The following IDUA variants were observed in gnomAD, a reference collection of about 807,000 sequenced individuals.
IDUA encodes the protein alpha-L-iduronidase.
Under a neutral mutation model 68.9 loss-of-function variants are expected in IDUA, and 65 were observed. That is an observed-to-expected ratio of 0.94 (90% CI 0.77 to 1.16). The LOEUF (loss-of-function observed/expected upper bound fraction) is 1.16, where lower values mean the gene tolerates loss of function less well. IDUA is among the 50% of genes most tolerant of loss of function. The pLI, the probability that IDUA is intolerant of heterozygous loss-of-function variation, is 0.00. For synonymous variants in IDUA, 529 were observed against 433.6 expected (o/e 1.22, Z -2.73); for missense variants, 1,046 against 938.0 (o/e 1.12, Z -1.50).
At position 987,168 on chromosome 4, in the gene IDUA, C is replaced by T; in HGVS notation, c.84C>T (p.Ala28=). 6.9e-7 allele frequency: 1 copy of T among 1,450,086 alleles called. No homozygotes were observed. Among genetic ancestry groups the T allele is most frequent in the Non-Finnish European group, 9.0e-7 (1 of 1,106,840 alleles). 89.8% of individuals were successfully genotyped at this position (1,450,086 alleles called of 1,614,324 possible). Residue 28 remains alanine (A), a synonymous_variant, in exon 1 of 14, where the codon GCC becomes GCT. Coordinates refer to ENST00000514224, the MANE Select transcript of IDUA (RefSeq NM_000203.5). ...CGCCCCCGGTGGCCCCGGCCGAGGCCCCGCACCTGGTGCATGTGGACGCGG... is the reference window on the plus strand; with the variant it reads ...CGCCCCCGGTGGCCCCGGCCGAGGCTCCGCACCTGGTGCATGTGGACGCGG... ...LAAPPVAPAE[A]PHLVHVDAAR...
At chr4:989,607 G>T in intron 2 of IDUA, 1 of 1,602,062 alleles carries the variant, frequency 6.2e-7, no homozygotes, top group Non-Finnish European at 8.5e-7. Context: ...CCACGATGAC[G>T]CAGGCCAGCA....
chr4:1,002,587 G>C (rs558808239), intron 8 of IDUA, 102 bp downstream of exon 8: 1 of 1,240,574 alleles, frequency 8.1e-7, no homozygotes, highest in Non-Finnish European at 1.1e-6. Flanking sequence ...CCAGCCGCGC[G>C]CTTCCCGGGG....
intron 2 of IDUA, chr4:989,646 T>TGCCAGCGCCAGCAGC (rs1216938493): frequency 1.3e-6 from 2 of 1,592,744 alleles, no homozygotes. Flanking sequence ...GGAACAGCGG[T>TGCCAGCGCCAGCAGC]GCCAGCGCCA....
At chr4:994,300 G>T (rs1370021640) in intron 2 of IDUA, among the ~76,000 whole-genome samples, 1 of 151,630 alleles carries the variant, frequency 6.6e-6, no homozygotes, top group Non-Finnish European at 1.5e-5. Flanking sequence ...TTTTGAGGCG[G>T]AGTCTTGCTC....
At position 988,194 on chromosome 4, in the gene IDUA, C is replaced by T. The variant is rs1291562953; in HGVS notation, c.299+245C>T. ...AGGCTCAGGGTTGGCTGCGCCGCACCTGGCTCCTGGTGCACCCGTGAGCAT... is the reference window on the plus strand; with the variant it reads ...AGGCTCAGGGTTGGCTGCGCCGCACTTGGCTCCTGGTGCACCCGTGAGCAT... On this transcript the variant is annotated intron_variant, in intron 2 of 13. Coordinates refer to ENST00000514224, the MANE Select transcript of IDUA (RefSeq NM_000203.5). 5 of 1,363,942 alleles carry T rather than the reference C, an allele frequency of 3.7e-6. No homozygotes were observed. In the African/African-American group the frequency reaches 7.3e-5, roughly 20 times the overall value. The allele number at this position is 1,363,942 out of a possible 1,614,324, so 84.5% of individuals were successfully genotyped here.
chr4:1,003,965 T>A, intron 12 of IDUA, 47 bp from the exon 13 acceptor site: 2 of 1,490,170 alleles, frequency 1.3e-6, no homozygotes, highest in Non-Finnish European at 1.9e-6. Context: ...CTCCCACCTT[T>A]GAGGACTGTC....
rs374183198 is a variant in IDUA, at chr4:993,637, G to A, written c.299+5688G>A. On this transcript the variant is annotated intron_variant, in intron 2 of 13. Transcript: ENST00000514224. ...TGTGGCTCTGCGGCCCTGCCGGGGG[G>A]GCTTAGGGACCAGCGGGAGGCGGGG... Among the ~76,000 whole-genome samples the A allele has an allele frequency of 4.2e-3, 642 of 152,322 alleles. 40 individuals are homozygous for A. The South Asian group carries it at 0.11, about 26-fold the overall frequency.
Position 989,029 on chromosome 4 carries a change from T to C in IDUA, c.299+1080T>C, listed in dbSNP as rs768843088. 3.6e-5 allele frequency: 57 copies of C among 1,582,820 alleles called. No individual in the cohort carries two copies. The highest frequency in any genetic ancestry group is 1.1e-4 in the Admixed American group (6 of 55,664). ...CAGCAGGCTGATGCCCAGGGCCCCG[T>C]AGTCTCGGCGCAGGTCCTGCAGCGT... On this transcript the variant is annotated intron_variant, in intron 2 of 13. Transcript: ENST00000514224.
In IDUA at chr4:987,518, C is replaced by T. The variant is rs150279766; in HGVS notation, c.158+276C>T. 1.1e-5 allele frequency: 10 copies of T among 903,596 alleles called. No homozygotes were observed. The South Asian group carries it at 1.7e-4, about 15-fold the overall frequency. 56.0% of individuals were successfully genotyped at this position (903,596 alleles called of 1,614,324 possible). Reference sequence around the variant, plus strand: ...CCCCTGGGAGTGGACGGCCCTGCAGCGGGACCTGGCCTGCCTGTCCCATTC... The same window carrying T: ...CCCCTGGGAGTGGACGGCCCTGCAGTGGGACCTGGCCTGCCTGTCCCATTC... On this transcript the variant is annotated intron_variant, in intron 1 of 13. Coordinates refer to ENST00000514224, the MANE Select transcript of IDUA (RefSeq NM_000203.5).
At chr4:1,000,514 T>G (rs923701114) in intron 2 of IDUA, 98 bp from the exon 3 acceptor site, 4 of 963,858 alleles carry the variant, frequency 4.1e-6, no homozygotes, top group Non-Finnish European at 6.8e-6. Context: ...GTGTGGCACC[T>G]TGCAGGCTCC....
At position 990,179 on chromosome 4, in the gene IDUA, G is replaced by A. The variant is rs370834972; in HGVS notation, c.299+2230G>A. The A allele has an allele frequency of 1.2e-4, 183 of 1,560,282 alleles. No individual in the cohort carries two copies. Among genetic ancestry groups the A allele is most frequent in the Admixed American group, 1.5e-4 (8 of 51,798 alleles). ...CACACGTTGGCCTGCCCGGCGCCGC[G>A]CAGCAGGCTCAGCCATGTGAGGACC... On this transcript the variant is annotated intron_variant, in intron 2 of 13. Coordinates refer to ENST00000514224, the MANE Select transcript of IDUA (RefSeq NM_000203.5).
In IDUA at chr4:991,381, G is replaced by A. The variant is rs760940403; in HGVS notation, c.299+3432G>A. On this transcript the variant is annotated intron_variant, in intron 2 of 13. Coordinates refer to ENST00000514224, the MANE Select transcript of IDUA (RefSeq NM_000203.5). ...GCCCATGAGGAAGTAGATGAGGTTG[G>A]CGAAGAAGGACGTATAGAGGCTGTA... 4.3e-6 allele frequency: 7 copies of A among 1,612,734 alleles called. No homozygotes were observed. Among genetic ancestry groups the A allele is most frequent in the Non-Finnish European group, 5.1e-6 (6 of 1,179,968 alleles).
rs899652513 is a variant in IDUA at position 994,430 on chromosome 4, C to T, written c.300-6182C>T. Among the ~76,000 whole-genome samples, 38 of 151,264 alleles carry T rather than the reference C, an allele frequency of 2.5e-4. No homozygotes were observed. In the East Asian group the frequency reaches 5.3e-3, roughly 21 times the overall value. On this transcript the variant is annotated intron_variant, in intron 2 of 13. Coordinates refer to ENST00000514224, the MANE Select transcript of IDUA (RefSeq NM_000203.5). ...AGCTGGGACTACAGGCGCCCGCCAC[C>T]GCGCCCGGCTAATTTTTTTTTTTTT...
At chr4:990,047 C>A (rs917513310) in intron 2 of IDUA, 2 of 1,600,572 alleles carry the variant, frequency 1.2e-6, no homozygotes, top group Non-Finnish European at 1.7e-6. Flanking sequence ...ACCACGATGA[C>A]CAGCAGCTCC....
intron 1 of IDUA, chr4:987,553 A>C: frequency 1.5e-5 from 18 of 1,193,412 alleles, no homozygotes; most frequent in Non-Finnish European, 2.0e-5. Flanking sequence ...CCTTCCACCT[A>C]GAGCTGAGGT....
chr4:995,514 G>C (rs1006695323), intron 2 of IDUA, among the ~76,000 whole-genome samples: 1 of 152,230 alleles, frequency 6.6e-6, no homozygotes, highest in African/African-American at 2.4e-5. Flanking sequence ...AGGAGGCTGC[G>C]GTGGGTCCCT....
In IDUA at chr4:1,000,934, G is replaced by A; in HGVS notation, c.438G>A (p.Lys146=). 3.1e-6 allele frequency: 5 copies of A among 1,613,568 alleles called. No individual in the cohort carries two copies. Among genetic ancestry groups the A allele is most frequent in the Non-Finnish European group, 4.2e-6 (5 of 1,179,960 alleles). Residue 146 remains lysine, a synonymous_variant, in exon 4 of 14, where the codon AAG becomes AAA. Transcript: ENST00000514224. ...GCCACTTCACTGACTTTGAGGACAA[G>A]CAGCAGGTGTTTGAGTGGAAGGACT... The part of the protein sequence containing the change: ...ASGHFTDFED[K]QQVFEWKDLV...
At position 1,002,366 on chromosome 4, in the gene IDUA, C is replaced by T. The variant is rs918621189; in HGVS notation, c.1070C>T (p.Pro357Leu). 6 of 1,612,420 alleles carry T rather than the reference C, an allele frequency of 3.7e-6. No individual in the cohort carries two copies. The highest frequency in any genetic ancestry group is 5.1e-6 in the Non-Finnish European group (6 of 1,179,538). The change falls in exon 8 of 14, where the codon CCG becomes CTG. Residue 357 changes from proline (P) to leucine (L), a missense_variant. Physicochemically the swap from Pro to Leu is moderately conservative, Grantham distance 98 (BLOSUM62 -3). Transcript: ENST00000514224. ...SNDNAFLSYH[P>L]HPFAQRTLTA... ...GACAATGCCTTCCTGAGCTACCACCCGCACCCCTTCGCGCAGCGCACGCTC... is the reference window on the plus strand; with the variant it reads ...GACAATGCCTTCCTGAGCTACCACCTGCACCCCTTCGCGCAGCGCACGCTC...
chr4:1,003,082 C>G lies in IDUA; in HGVS notation c.1449C>G (p.Pro483=), dbSNP rs761637332. The G allele has an allele frequency of 5.3e-6, 8 of 1,521,496 alleles. No homozygotes were observed. Among genetic ancestry groups the G allele is most frequent in the South Asian group, 2.4e-5 (2 of 82,054 alleles). The allele number at this position is 1,521,496 out of a possible 1,614,324, so 94.2% of individuals were successfully genotyped here. The stretch of plus-strand genomic sequence containing the variant: ...ACCTGGACAACGGGCTCTGCAGCCC[C>G]GACGGCGAGTGGCGGCGCCTGGGCC... ...TRYLDNGLCS[P]DGEWRRLGRP... The change falls in exon 10 of 14, where the codon CCC becomes CCG. Residue 483 remains proline, a synonymous_variant. Transcript: ENST00000514224.
Sources: gnomAD v4.1 joint callset for allele counts (sites outside exome capture counted in the v4.1 genomes callset) on GRCh38, gnomAD v4.1.1 for gene constraint, MANE v1.5 for transcripts, NCBI Gene and HGNC (gene_info 2026-07-23, HGNC 2026-07-21) for gene names.